The following RLF variants were observed in gnomAD, a reference collection of about 807,000 sequenced individuals.
RLF encodes RLF zinc finger.
In RLF, 7 loss-of-function variants were observed where a neutral mutation model predicts 162.9. The observed-to-expected ratio is 0.04, with a 90% CI of 0.02 to 0.08. The LOEUF is 0.08. RLF is among the 10% of genes least tolerant of loss of function. The pLI is 1.00. For synonymous variants in RLF, 782 were observed against 791.5 expected, an observed-to-expected ratio of 0.99 and a Z score of 0.20; for missense variants, 1,664 against 2,244.7, an observed-to-expected ratio of 0.74 and a Z score of 5.23.
In RLF at chr1:40,237,354, T is replaced by C. The variant is rs913607710; in HGVS notation, c.2652T>C (p.Thr884=). 1.9e-6 allele frequency: 3 copies of C among 1,613,724 alleles called. No homozygotes were observed. Among genetic ancestry groups the C allele is most frequent in the Admixed American group, 1.7e-5 (1 of 59,918 alleles). ...ESANSQIDTE[T]AENLKENSDS... ...CTAATTCTCAAATAGATACAGAAAC[T>C]GCAGAAAACCTGAAAGAAAACAGTG... The change falls in exon 8 of 8, where the codon ACT becomes ACC. Residue 884 remains threonine, a synonymous_variant. Coordinates refer to ENST00000372771, the MANE Select transcript of RLF (RefSeq NM_012421.4). This position sits in a 1 kb window ranked among gnomAD's most constrained non-coding sequence, Gnocchi z 4.4.
At position 40,222,687 on chromosome 1, in the gene RLF, A is replaced by G. The variant is rs1169679179; in HGVS notation, c.924A>G (p.Gln308=). The change falls in exon 6 of 8, where the codon CAA becomes CAG. Residue 308 remains glutamine (Q), a synonymous_variant. Coordinates refer to ENST00000372771, the MANE Select transcript of RLF (RefSeq NM_012421.4). ...CGACTTACCTTACCCAGCAGCTCCA[A>G]ACTGCAAGTGTATATTGTTCTTGGT... ...LCTTYLTQQL[Q]TASVYCSWEL... 1 of 1,613,310 alleles carries G rather than the reference A, an allele frequency of 6.2e-7. No homozygotes were observed. Among genetic ancestry groups the G allele is most frequent in the South Asian group, 1.1e-5 (1 of 91,036 alleles).
intron 3 of RLF, 128 bp downstream of exon 3, chr1:40,190,981 G>C (rs779410569): frequency 1.5e-5 from 7 of 478,782 alleles, no homozygotes; most frequent in Non-Finnish European, 2.6e-5. Context: ...GTCATGAAAT[G>C]ATAAAAAGGC....
intron 5 of RLF, among the ~76,000 whole-genome samples, chr1:40,204,063 C>T (rs867919214): frequency 2.8e-4 from 41 of 146,460 alleles, no homozygotes; most frequent in Admixed American, 2.7e-4. Flanking sequence ...GACAGAGTCT[C>T]GCTCTGTTGC....
intron 5 of RLF, among the ~76,000 whole-genome samples, chr1:40,216,312 G>A (rs1039330286): frequency 3.3e-5 from 5 of 151,946 alleles, no homozygotes; most frequent in African/African-American, 4.8e-5. Context: ...GTAAAACCCC[G>A]TCTCTACTAA....
At position 40,239,948 on chromosome 1, in the gene RLF, A is replaced by C. The variant is rs780701100; in HGVS notation, c.5246A>C (p.Asn1749Thr). The change falls in exon 8 of 8, where the codon AAT (asparagine) becomes ACT (threonine). Residue 1749 changes from asparagine (N) to threonine (T), a missense_variant. Around this residue, in one of 15 missense-constraint regions of RLF, gnomAD observed 327 missense variants for 342.7 expected, o/e 0.95. Transcript: ENST00000372771. Reference sequence around the variant, plus strand: ...AATCCAACCCATGTCCCAAAAGAGAATTTTAGGAAACATTCACAGCCCCGG... The same window carrying C: ...AATCCAACCCATGTCCCAAAAGAGACTTTTAGGAAACATTCACAGCCCCGG... ...VKNPTHVPKE[N>T]FRKHSQPRSF... 1 of 1,613,592 alleles carries C rather than the reference A, an allele frequency of 6.2e-7. No homozygotes were observed. The highest frequency in any genetic ancestry group is 1.3e-5 in the African/African-American group (1 of 74,922).
At position 40,239,929 on chromosome 1, in the gene RLF, A is replaced by G. The variant is rs779942901; in HGVS notation, c.5227A>G (p.Thr1743Ala). ...GCAAGAAAACACTGTAAAAAATCCA[A>G]CCCATGTCCCAAAAGAGAATTTTAG... is the stretch of plus-strand genomic sequence containing the variant. ...SGQENTVKNP[T>A]HVPKENFRKH... Residue 1743 changes from threonine to alanine, a missense_variant, in exon 8 of 8, where the codon ACC becomes GCC. Thr to Ala is a moderately conservative substitution (Grantham distance 58). This residue lies in a region of RLF where 327 missense variants were observed against 342.7 expected (regional missense o/e 0.95). Transcript: ENST00000372771. The G allele has an allele frequency of 6.2e-7, 1 of 1,613,614 alleles. No individual in the cohort carries two copies.
chr1:40,209,620 G>A (rs1427457008), intron 5 of RLF, among the ~76,000 whole-genome samples: 2 of 152,186 alleles, frequency 1.3e-5, no homozygotes, highest in East Asian at 3.9e-4. Flanking sequence ...GCTCATGCCT[G>A]TAATCCCAAC....
intron 1 of RLF, among the ~76,000 whole-genome samples, chr1:40,178,456 CAGG>C (rs1642356845): frequency 6.6e-6 from 1 of 152,098 alleles, no homozygotes; most frequent in South Asian, 2.1e-4. Context: ...TGTAAGATGA[CAGG>C]AGTTCAGTGG....
Position 40,237,570 on chromosome 1 carries a change from T to C in RLF, c.2868T>C (p.Cys956=), listed in dbSNP as rs200306933. 6 of 1,614,158 alleles carry C rather than the reference T, an allele frequency of 3.7e-6. No homozygotes were observed. In the East Asian group the frequency reaches 1.3e-4, roughly 36 times the overall value. Residue 956 remains cysteine, a synonymous_variant, in exon 8 of 8, where the codon TGT becomes TGC. Coordinates refer to ENST00000372771, the MANE Select transcript of RLF (RefSeq NM_012421.4). This position sits in a 1 kb window ranked among gnomAD's most constrained non-coding sequence, Gnocchi z 4.4. The part of the protein sequence containing the change: ...AVCFDGTKFT[C]GFDGCGSTYK... ...GTTTTGACGGGACTAAGTTTACCTG[T>C]GGTTTTGATGGCTGTGGTTCCACAT...
intron 1 of RLF, among the ~76,000 whole-genome samples, chr1:40,168,396 C>T (rs1325396417): frequency 6.6e-6 from 1 of 152,086 alleles, no homozygotes; most frequent in African/African-American, 2.4e-5. Flanking sequence ...CAGGTGTGTG[C>T]CACCACGCCC....
intron 5 of RLF, among the ~76,000 whole-genome samples, chr1:40,217,494 G>A (rs891441538): frequency 1.1e-4 from 16 of 151,700 alleles, no homozygotes; most frequent in African/African-American, 2.9e-4. Context: ...CAAATGGGCC[G>A]GGTGCAGTGG....
chr1:40,212,126 G>A (rs1471146732), intron 5 of RLF, among the ~76,000 whole-genome samples: 1 of 152,240 alleles, frequency 6.6e-6, no homozygotes, highest in East Asian at 1.9e-4. Flanking sequence ...CAGGAGAAGA[G>A]TTAACTTGAG....
Position 40,214,937 on chromosome 1 carries a change from A to AAAAC in RLF, c.811-7634_811-7633insCAAA, listed in dbSNP as rs1553175233. The stretch of plus-strand genomic sequence containing the variant: ...CTGTCTCAAAAAAAAAAAAAAAAAA[A>AAAAC]AAAAAAAACTAAAGTATGAGAACAA... On this transcript the variant is annotated intron_variant, in intron 5 of 7. Coordinates refer to ENST00000372771, the MANE Select transcript of RLF (RefSeq NM_012421.4). Among the ~76,000 whole-genome samples the AAAAC allele has an allele frequency of 4.0e-5, 6 of 149,826 alleles. No homozygotes were observed. In the East Asian group the frequency reaches 9.7e-4, roughly 24 times the overall value.
At chr1:40,224,714 G>T (rs1314446406) in intron 6 of RLF, among the ~76,000 whole-genome samples, 2 of 131,182 alleles carry the variant, frequency 1.5e-5, no homozygotes, top group Non-Finnish European at 3.1e-5. Context: ...TTTTGGCCAG[G>T]CATGGCTCAT....
intron 4 of RLF, among the ~76,000 whole-genome samples, chr1:40,198,774 A>G (rs1642672228): frequency 6.6e-6 from 1 of 152,236 alleles, no homozygotes; most frequent in Non-Finnish European, 1.5e-5. Context: ...GGAAGGGTAT[A>G]AAACTAAAAA....
At chr1:40,170,140 TC>T (rs1044934025) in intron 1 of RLF, among the ~76,000 whole-genome samples, 4 of 152,348 alleles carry the variant, frequency 2.6e-5, no homozygotes, top group Admixed American at 1.3e-4. Flanking sequence ...GCTTTTTTTT[TC>T]CACTACAATA....
chr1:40,233,116 G>C (rs1643173981), intron 7 of RLF, among the ~76,000 whole-genome samples: 1 of 148,424 alleles, frequency 6.7e-6, no homozygotes, highest in South Asian at 2.1e-4. Flanking sequence ...AAAAAGCAAA[G>C]ATTGAATGAC....
chr1:40,220,201 C>T lies in RLF; in HGVS notation c.811-2373C>T, dbSNP rs1642974235. Among the ~76,000 whole-genome samples the T allele has an allele frequency of 3.3e-5, 5 of 152,150 alleles. No individual in the cohort carries two copies. The South Asian group carries it at 1.0e-3, about 32-fold the overall frequency. ...CAAGATCACGCCACTGCAGTCCAGC[C>T]TGGGCAACAGAGCGAGACTCTGTCT... is the stretch of plus-strand genomic sequence containing the variant. On this transcript the variant is annotated intron_variant, in intron 5 of 7. Transcript: ENST00000372771.
chr1:40,199,727 A>G (rs1340968093), intron 4 of RLF, among the ~76,000 whole-genome samples: 2 of 152,194 alleles, frequency 1.3e-5, no homozygotes, highest in Non-Finnish European at 2.9e-5. Flanking sequence ...TTGGATTTGC[A>G]GAATTGCTTA....
Sources: gnomAD v4.1 joint callset for allele counts (sites outside exome capture counted in the v4.1 genomes callset) on GRCh38, gnomAD v4.1.1 for gene constraint, gnomAD v4.1.1 regional missense constraint, Gnocchi (gnomAD v3.1) non-coding constraint, MANE v1.5 for transcripts, NCBI Gene and HGNC (gene_info 2026-07-23, HGNC 2026-07-21) for gene names.